EPCIP: variants seen among roughly 807,000 people sequenced by gnomAD.
The protein encoded by EPCIP is exosomal polycystin-1-interacting protein.
At chr21:32,792,782 T>TA in the EPCIP span, among the ~76,000 whole-genome samples, 1 of 152,188 alleles carries the variant, frequency 6.6e-6, no homozygotes, top group Non-Finnish European at 1.5e-5. Context: ...CCTAAGGTCT[T>TA]ACCCTATCCA....
chr21:32,797,979 A>G, the EPCIP span: 1 of 152,164 alleles, frequency 6.6e-6, no homozygotes, highest in Non-Finnish European at 1.5e-5. Flanking sequence ...ATCCAGGTTT[A>G]CTTTCTATCA....
the EPCIP span, chr21:32,810,656 T>C: frequency 2.1e-6 from 1 of 471,736 alleles, no homozygotes. Context: ...CATGCTGTCC[T>C]GTGAAGTTAA....
the EPCIP span, among the ~76,000 whole-genome samples, chr21:32,805,850 T>C: frequency 6.6e-6 from 1 of 152,160 alleles, no homozygotes; most frequent in Non-Finnish European, 1.5e-5. Flanking sequence ...ACTAGTCTCC[T>C]GAAATACCGA....
chr21:32,792,190 T>G, the EPCIP span, among the ~76,000 whole-genome samples: 5 of 152,178 alleles, frequency 3.3e-5, no homozygotes, highest in African/African-American at 1.2e-4. Context: ...ACAGTCCACT[T>G]TAATGGCAAG....
the EPCIP span, among the ~76,000 whole-genome samples, chr21:32,810,199 G>C: frequency 6.7e-6 from 1 of 149,672 alleles, no homozygotes; most frequent in African/African-American, 2.5e-5. Flanking sequence ...TGGTTTTCTG[G>C]CTCCTTCAAT....
the EPCIP span, chr21:32,794,443 G>A: frequency 5.5e-4 from 877 of 1,598,000 alleles, 2 homozygotes; most frequent in Non-Finnish European, 6.6e-4. Context: ...ATGGGCCAGC[G>A]TGTTTATCCC....
At chr21:32,801,072 T>C in the EPCIP span, among the ~76,000 whole-genome samples, 552 of 152,300 alleles carry the variant, frequency 3.6e-3, 2 homozygotes, top group Non-Finnish European at 5.3e-3. Context: ...CAATGGAATA[T>C]GGTGGAAGAT....
chr21:32,793,965 T>A, the EPCIP span: 3 of 1,614,056 alleles, frequency 1.9e-6, no homozygotes, highest in Non-Finnish European at 2.5e-6. Context: ...CACATGGGCT[T>A]CTCTCTGGAG....
At chr21:32,792,915 A>G in the EPCIP span, among the ~76,000 whole-genome samples, 1 of 69,822 alleles carries the variant, frequency 1.4e-5, no homozygotes, top group African/African-American at 4.7e-5. Context: ...TATTATTATT[A>G]TTTTTTTTTT....
the EPCIP span, among the ~76,000 whole-genome samples, chr21:32,792,895 C>A: frequency 6.8e-6 from 1 of 146,982 alleles, no homozygotes; most frequent in Non-Finnish European, 1.5e-5. Context: ...TTAAGAGAAC[C>A]TAATCATTTT....
the EPCIP span, chr21:32,796,948 CT>C: frequency 2.1e-6 from 1 of 470,720 alleles, no homozygotes; most frequent in Non-Finnish European, 4.4e-6. Flanking sequence ...GGTGCTGATC[CT>C]TTTAGAGGCA....
At chr21:32,793,474 C>T in the EPCIP span, 2 of 512,066 alleles carry the variant, frequency 3.9e-6, no homozygotes, top group African/African-American at 3.8e-5. Context: ...CTGCAGGCTT[C>T]TAGTTGCAGA....
the EPCIP span, among the ~76,000 whole-genome samples, chr21:32,799,896 C>T: frequency 2.0e-5 from 3 of 152,260 alleles, no homozygotes; most frequent in East Asian, 1.9e-4. Flanking sequence ...GAGCCGAGAT[C>T]GCACCACTGC....
the EPCIP span, chr21:32,798,842 TA>T: frequency 6.6e-6 from 1 of 151,904 alleles, no homozygotes; most frequent in Non-Finnish European, 1.5e-5. Flanking sequence ...CATGTGCCTT[TA>T]ATCCCAGCTA....
chr21:32,790,743 A>C, the EPCIP span: 2 of 152,198 alleles, frequency 1.3e-5, no homozygotes, highest in African/African-American at 4.8e-5. Context: ...AGAGCAGCCC[A>C]CCTCCCTTTT....
the EPCIP span, chr21:32,797,858 T>A: frequency 1.3e-5 from 2 of 152,210 alleles, no homozygotes; most frequent in Non-Finnish European, 2.9e-5. Context: ...ATCCAGCTAC[T>A]CAAAAAAGGT....
the EPCIP span, among the ~76,000 whole-genome samples, chr21:32,810,865 C>T: frequency 6.6e-6 from 1 of 152,192 alleles, no homozygotes. Context: ...CAGTAATTCA[C>T]TGTTCCTCAG....
At chr21:32,792,012 C>T in the EPCIP span, among the ~76,000 whole-genome samples, 1 of 151,936 alleles carries the variant, frequency 6.6e-6, no homozygotes, top group Non-Finnish European at 1.5e-5. Context: ...TCAAGTGACT[C>T]TCCTGCCTCA....
At chr21:32,793,133 T>A in the EPCIP span, among the ~76,000 whole-genome samples, 5 of 151,980 alleles carry the variant, frequency 3.3e-5, no homozygotes, top group African/African-American at 1.2e-4. Flanking sequence ...AATTTTGTAT[T>A]TTTAGTAGAG....
Sources: gnomAD v4.1 joint callset for allele counts (sites outside exome capture counted in the v4.1 genomes callset) on GRCh38, gnomAD v4.1.1 for gene constraint, MANE v1.5 for transcripts, NCBI Gene and HGNC (gene_info 2026-07-23, HGNC 2026-07-21) for gene names.